Variants in RC3H2 observed in about 807,000 individuals in gnomAD.
The protein encoded by RC3H2 is roquin-2.
A neutral mutation model predicts 133.3 loss-of-function variants in RC3H2; 31 were observed. The ratio of observed to expected loss-of-function variants is 0.23; its 90% confidence interval spans 0.17 to 0.31. The LOEUF (loss-of-function observed/expected upper bound fraction) is 0.31. RC3H2 is among the 10% of genes least tolerant of loss of function. RC3H2 has a pLI of 1.00. For missense variants in RC3H2, 1,175 were observed against 1,437.2 expected (o/e 0.82, Z 2.95); for synonymous variants, 517 against 502.2 (o/e 1.03, Z -0.40).
chr9:122,846,413 C>T lies in RC3H2; in HGVS notation c.*3214G>A, dbSNP rs1829869038. 1 of 152,010 alleles carries T rather than the reference C, an allele frequency of 6.6e-6. No homozygotes were observed. Among genetic ancestry groups the T allele is most frequent in the African/African-American group, 2.4e-5 (1 of 41,382 alleles). 9.4% of individuals were successfully genotyped at this position (152,010 alleles called of 1,614,324 possible). ...TTATCACATGGCATTGAAAATAAGA[C>T]GTGGCAGCAAAGGCAAGGGAATCTG... On this transcript the variant is annotated 3_prime_UTR_variant, in exon 21 of 21. Coordinates refer to ENST00000357244, the MANE Select transcript of RC3H2 (RefSeq NM_001100588.3).
At chr9:122,882,290 A>G (rs1344542885) in intron 5 of RC3H2, among the ~76,000 whole-genome samples, 3 of 152,342 alleles carry the variant, frequency 2.0e-5, no homozygotes. Flanking sequence ...ACTAAACACT[A>G]TGACTATGAG....
chr9:122,855,134 AG>A lies in RC3H2; in HGVS notation c.2815+49del, dbSNP rs1243045516. 11 of 1,116,770 alleles carry A rather than the reference AG, an allele frequency of 9.8e-6. No individual in the cohort carries two copies. The Admixed American group carries it at 2.3e-4, about 24-fold the overall frequency. The allele number at this position is 1,116,770 out of a possible 1,614,324, so 69.2% of individuals were successfully genotyped here. ...TCTCAATTAAAAAAAAAAAAAAAAA[AG>A]GCATAGTGCTTAGAACATATCAGGC... On this transcript the variant is annotated intron_variant, in intron 15 of 20. Transcript: ENST00000357244.
rs1374089504 is a variant in RC3H2 at position 122,867,782 on chromosome 9, G to A, written c.1326-2125C>T. Among the ~76,000 whole-genome samples, 6 of 103,066 alleles carry A rather than the reference G, an allele frequency of 5.8e-5. No individual in the cohort carries two copies. The East Asian group carries it at 9.2e-4, about 16-fold the overall frequency. 67.6% of individuals were successfully genotyped at this position (103,066 alleles called of 152,430 possible). A position where few individuals can be genotyped will look rare whatever the true frequency, so the allele number is the denominator to read the frequency against. On this transcript the variant is annotated intron_variant, in intron 9 of 20. Coordinates refer to ENST00000357244, the MANE Select transcript of RC3H2 (RefSeq NM_001100588.3). Reference sequence around the variant, plus strand: ...CGTCTGAGAAGGGAGGAGACCCTCCGCCCGGCAACCGCCCCGTCTGAGAAG... The same window carrying A: ...CGTCTGAGAAGGGAGGAGACCCTCCACCCGGCAACCGCCCCGTCTGAGAAG...
At chr9:122,864,591 A>C (rs1830569078) in intron 10 of RC3H2, among the ~76,000 whole-genome samples, 1 of 152,050 alleles carries the variant, frequency 6.6e-6, no homozygotes, top group Non-Finnish European at 1.5e-5. Flanking sequence ...CAGAACTTGA[A>C]AGCCCAGAGA....
At position 122,897,548 on chromosome 9, in the gene RC3H2, C is replaced by T; in HGVS notation, c.-39G>A. 6.3e-7 allele frequency: 1 copy of T among 1,582,442 alleles called. No individual in the cohort carries two copies. Among genetic ancestry groups the T allele is most frequent in the Middle Eastern group, 1.7e-4 (1 of 5,978 alleles). ...TGCTCGGGTTAGCAGTCTAGCAGAT[C>T]ATTATTTTGCTGTGTAGTGTTTTGT... On this transcript the variant is annotated 5_prime_UTR_variant, in exon 2 of 21. An upstream start codon of the reference 5' UTR is lost. Coordinates refer to ENST00000357244, the MANE Select transcript of RC3H2 (RefSeq NM_001100588.3).
intron 4 of RC3H2, among the ~76,000 whole-genome samples, chr9:122,889,925 T>C (rs1287573097): frequency 1.3e-5 from 2 of 152,208 alleles, no homozygotes; most frequent in African/African-American, 4.8e-5. Flanking sequence ...GCAGATCACC[T>C]GAGGTCAGGA....
At chr9:122,851,472 C>G (rs768759914) in intron 18 of RC3H2, 36 bp from the exon 19 acceptor site, 1 of 1,595,994 alleles carries the variant, frequency 6.3e-7, no homozygotes, top group Non-Finnish European at 8.6e-7. Context: ...CCCTCTCCCT[C>G]TCCCTCTCCC....
chr9:122,902,965 T>C (rs1300145960), intron 1 of RC3H2, among the ~76,000 whole-genome samples: 2 of 152,274 alleles, frequency 1.3e-5, no homozygotes, highest in East Asian at 3.9e-4. Context: ...ATTACTGAGA[T>C]ATTAAAAAAA....
intron 17 of RC3H2, 37 bp downstream of exon 17, chr9:122,854,148 A>G (rs1564283434): frequency 6.2e-7 from 1 of 1,611,950 alleles, no homozygotes; most frequent in Admixed American, 1.7e-5. Context: ...CTGTCATTCT[A>G]TTTCTCAAAA....
intron 9 of RC3H2, among the ~76,000 whole-genome samples, chr9:122,866,373 CTCCCCCCTCCCTCTCCCCACGG>C (rs1321603480): frequency 2.4e-4 from 1 of 4,160 alleles, no homozygotes; most frequent in South Asian, 0.062. Context: ...CCCCCTCCCC[CTCCCCCCTCCCTCTCCCCACGG>C]TCTCCCTCTC....
At chr9:122,852,774 C>A (rs1383211832) in intron 18 of RC3H2, among the ~76,000 whole-genome samples, 2 of 147,348 alleles carry the variant, frequency 1.4e-5, no homozygotes, top group Non-Finnish European at 3.0e-5. Context: ...GTCAGCCCCC[C>A]GCCTGGCCAG....
rs1443627610 is a variant in RC3H2 at position 122,844,925 on chromosome 9, G to C, written c.*4702C>G. On this transcript the variant is annotated 3_prime_UTR_variant, in exon 21 of 21. Transcript: ENST00000357244. ...TATATATTCCCCATTTCATTGTACAGAATTATTTTAAATTATAGTTTTAAA... is the reference window on the plus strand; with the variant it reads ...TATATATTCCCCATTTCATTGTACACAATTATTTTAAATTATAGTTTTAAA... The C allele has an allele frequency of 6.6e-6, 1 of 152,150 alleles. No individual in the cohort carries two copies. The highest frequency in any genetic ancestry group is 1.5e-5 in the Non-Finnish European group (1 of 68,030). The allele number at this position is 152,150 out of a possible 1,614,324, so 9.4% of individuals were successfully genotyped here. A position where few individuals can be genotyped will look rare whatever the true frequency, so the allele number is the denominator to read the frequency against.
At chr9:122,869,258 C>G (rs1486006416) in intron 9 of RC3H2, among the ~76,000 whole-genome samples, 1 of 151,982 alleles carries the variant, frequency 6.6e-6, no homozygotes, top group Non-Finnish European at 1.5e-5. Flanking sequence ...AGAAAGAAGA[C>G]TATACATATT....
chr9:122,893,156 T>A, intron 2 of RC3H2, 130 bp from the exon 3 acceptor site: 1 of 1,270,162 alleles, frequency 7.9e-7, no homozygotes, highest in Non-Finnish European at 1.0e-6. Flanking sequence ...GAAAGCCATT[T>A]AAGTAAAATT....
At chr9:122,880,475 A>G (rs1375539206) in intron 6 of RC3H2, 119 bp downstream of exon 6, 13 of 806,716 alleles carry the variant, frequency 1.6e-5, no homozygotes, top group Non-Finnish European at 2.5e-5. Context: ...AATTTATAAG[A>G]GTCTGACATT....
At position 122,905,290 on chromosome 9, in the gene RC3H2, T is replaced by G. The variant is rs1315840665; in HGVS notation, c.-248A>C. The G allele has an allele frequency of 5.3e-6, 5 of 951,716 alleles. No individual in the cohort carries two copies. Among genetic ancestry groups the G allele is most frequent in the Non-Finnish European group, 6.3e-6 (5 of 798,750 alleles). The allele number at this position is 951,716 out of a possible 1,614,324, so 59.0% of individuals were successfully genotyped here. A position where few individuals can be genotyped will look rare whatever the true frequency, so the allele number is the denominator to read the frequency against. ...CGGCGGCGAAGGCCGCGACGGGGCC[T>G]CCTCCTCCTCCCTCCACCTCCGCCT... is the stretch of plus-strand genomic sequence containing the variant. On this transcript the variant is annotated 5_prime_UTR_variant, in exon 1 of 21. Coordinates refer to ENST00000357244, the MANE Select transcript of RC3H2 (RefSeq NM_001100588.3).
intron 16 of RC3H2, 68 bp from the exon 17 acceptor site, chr9:122,854,334 A>G (rs999938179): frequency 5.8e-6 from 8 of 1,369,414 alleles, no homozygotes; most frequent in South Asian, 4.9e-5. Flanking sequence ...AGTAATAACC[A>G]TATGTTTTAT....
chr9:122,883,151 G>A, intron 5 of RC3H2, 53 bp downstream of exon 5: 1 of 1,518,112 alleles, frequency 6.6e-7, no homozygotes, highest in Non-Finnish European at 9.0e-7. Flanking sequence ...TGAATTTCAG[G>A]AAGTCTCTGT....
intron 10 of RC3H2, among the ~76,000 whole-genome samples, chr9:122,864,887 G>C (rs978890079): frequency 1.4e-4 from 21 of 152,006 alleles, no homozygotes; most frequent in African/African-American, 4.6e-4. Flanking sequence ...GCCTCCAAAA[G>C]TGCTGGGATT....
Sources: gnomAD v4.1 joint callset for allele counts (sites outside exome capture counted in the v4.1 genomes callset) on GRCh38, gnomAD v4.1.1 for gene constraint, MANE v1.5 for transcripts, NCBI Gene and HGNC (gene_info 2026-07-23, HGNC 2026-07-21) for gene names.